KAZN: variants seen among roughly 807,000 people sequenced by gnomAD.
KAZN encodes kazrin, periplakin interacting protein, also known as kazrin.
In KAZN, 40 loss-of-function variants were observed where a neutral mutation model predicts 87.4. The ratio of observed to expected loss-of-function variants is 0.46; its 90% CI spans 0.36 to 0.60. The LOEUF (loss-of-function observed/expected upper bound fraction) is 0.60. KAZN is among the 20% of genes least tolerant of loss of function. The pLI is 0.00. For synonymous variants in KAZN, 466 were observed against 458.3 expected (o/e 1.02, Z -0.22); for missense variants, 898 against 1,073.9 (o/e 0.84, Z 2.29).
rs72870366 is a variant in KAZN at position 14,873,830 on chromosome 1, G to A, written c.227-86854G>A. Among the ~76,000 whole-genome samples, 511 of 152,336 alleles carry A rather than the reference G, an allele frequency of 3.4e-3. 3 individuals carry two copies. Among genetic ancestry groups the A allele is most frequent in the African/African-American group, 0.012 (484 of 41,578 alleles). On this transcript the variant is annotated intron_variant, in intron 1 of 14. Coordinates refer to ENST00000376030, the MANE Select transcript of KAZN (RefSeq NM_201628.3). ...GAGCAGTGCAAAGTGGGGCAAAGTG[G>A]CGAGATTCAGTATCTAGTTCAAAGG...
At chr1:14,044,572 A>G (rs1043497428) in intron 1 of KAZN, among the ~76,000 whole-genome samples, 2 of 152,212 alleles carry the variant, frequency 1.3e-5, no homozygotes, top group African/African-American at 2.4e-5. Flanking sequence ...TAAGGACTCA[A>G]TGAATGAAGC....
intron 1 of KAZN, among the ~76,000 whole-genome samples, chr1:14,716,976 G>A (rs1463643068): frequency 1.3e-5 from 2 of 151,418 alleles, no homozygotes; most frequent in East Asian, 1.9e-4. Context: ...CAGCAGTCCC[G>A]CCCTCTGGAA....
intron 1 of KAZN, among the ~76,000 whole-genome samples, chr1:14,652,848 C>T (rs909134765): frequency 1.4e-4 from 21 of 151,802 alleles, no homozygotes; most frequent in African/African-American, 4.1e-4. Context: ...TTTGCTACCC[C>T]GCCCCCATGG....
intron 1 of KAZN, among the ~76,000 whole-genome samples, chr1:14,024,570 A>G (rs768343510): frequency 2.6e-5 from 4 of 152,242 alleles, no homozygotes; most frequent in Admixed American, 6.5e-5. Context: ...GGAAAGAAGC[A>G]GGAACAGGGA....
At chr1:15,103,509 C>CCATGCTAATCA (rs1641164291) in intron 12 of KAZN, 49 bp downstream of exon 12, 1 of 1,196,746 alleles carries the variant, frequency 8.4e-7, no homozygotes, top group African/African-American at 1.7e-5. Context: ...TACACAAACC[C>CCATGCTAATCA]CATGCAAATC....
At chr1:14,681,659 T>A (rs12028340) in intron 1 of KAZN, among the ~76,000 whole-genome samples, 177 of 5,948 alleles carry the variant, frequency 0.03, no homozygotes, top group Middle Eastern at 0.12. Flanking sequence ...ATATATATAT[T>A]TTTTTTTTTT....
chr1:14,619,497 G>C (rs576077979), intron 1 of KAZN, among the ~76,000 whole-genome samples: 1 of 152,160 alleles, frequency 6.6e-6, no homozygotes, highest in African/African-American at 2.4e-5. Context: ...ACTGTGCCAG[G>C]CATTGAATCA....
intron 2 of KAZN, among the ~76,000 whole-genome samples, chr1:14,432,974 G>A (rs988231010): frequency 6.6e-6 from 1 of 151,926 alleles, no homozygotes; most frequent in Non-Finnish European, 1.5e-5. Flanking sequence ...GTGTGTGTAT[G>A]TATATGTATA....
chr1:14,731,684 G>A (rs1356072544), intron 1 of KAZN, among the ~76,000 whole-genome samples: 2 of 152,214 alleles, frequency 1.3e-5, no homozygotes, highest in Non-Finnish European at 2.9e-5. Context: ...ACAGCTAGTG[G>A]GTAGCAGAGC....
At chr1:14,965,513 T>C (rs1268764828) in intron 2 of KAZN, among the ~76,000 whole-genome samples, 1 of 152,246 alleles carries the variant, frequency 6.6e-6, no homozygotes, top group Non-Finnish European at 1.5e-5. Flanking sequence ...TTAAATCTCT[T>C]AACAGCATGT....
At chr1:15,038,760 C>T (rs1295502786) in intron 3 of KAZN, among the ~76,000 whole-genome samples, 2 of 152,110 alleles carry the variant, frequency 1.3e-5, no homozygotes, top group Admixed American at 6.6e-5. Context: ...GTTTATTGTG[C>T]ACCTGCTGTA....
At chr1:15,067,984 T>C (rs1027809011) in intron 8 of KAZN, 1 of 793,308 alleles carries the variant, frequency 1.3e-6, no homozygotes, top group African/African-American at 2.0e-5. Flanking sequence ...GAGATAATTC[T>C]AAGAGTTACT....
intron 2 of KAZN, among the ~76,000 whole-genome samples, chr1:14,330,070 TTC>T (rs1656736871): frequency 1.3e-5 from 2 of 152,300 alleles, no homozygotes; most frequent in South Asian, 4.1e-4. Flanking sequence ...GCTGTGTGGG[TTC>T]TCTCTGAATC....
chr1:14,711,461 C>T (rs12094483), intron 1 of KAZN, among the ~76,000 whole-genome samples: 1,754 of 152,224 alleles, frequency 0.012, 37 homozygotes, highest in South Asian at 0.047. Context: ...AGGCACGACA[C>T]GCAGGTTCTA....
chr1:14,972,851 C>G (rs1665222860), intron 2 of KAZN, among the ~76,000 whole-genome samples: 1 of 152,010 alleles, frequency 6.6e-6, no homozygotes, highest in Admixed American at 6.6e-5. Flanking sequence ...TGCTCGTGGT[C>G]AGTCAGCAAA....
At chr1:14,395,770 T>C (rs1571513140) in intron 2 of KAZN, among the ~76,000 whole-genome samples, 1 of 152,080 alleles carries the variant, frequency 6.6e-6, no homozygotes, top group African/African-American at 2.4e-5. Flanking sequence ...AGAAGACGGA[T>C]ACTAGTGAAG....
At chr1:14,208,093 C>T (rs1252787872) in intron 2 of KAZN, among the ~76,000 whole-genome samples, 2 of 152,302 alleles carry the variant, frequency 1.3e-5, no homozygotes, top group East Asian at 1.9e-4. Context: ...AGTCTAATCA[C>T]GGACTAAGAG....
At chr1:14,882,272 C>G (rs550948489) in intron 1 of KAZN, among the ~76,000 whole-genome samples, 11 of 152,330 alleles carry the variant, frequency 7.2e-5, no homozygotes, top group Non-Finnish European at 1.5e-4. Context: ...TCCAAACAAA[C>G]TTTTTTCCCT....
intron 1 of KAZN, among the ~76,000 whole-genome samples, chr1:14,003,032 G>A (rs1187562799): frequency 2.6e-5 from 4 of 152,140 alleles, no homozygotes; most frequent in Non-Finnish European, 5.9e-5. Context: ...CCATAAAAAG[G>A]AATGAGATTA....
Sources: gnomAD v4.1 joint callset for allele counts (sites outside exome capture counted in the v4.1 genomes callset) on GRCh38, gnomAD v4.1.1 for gene constraint, MANE v1.5 for transcripts, NCBI Gene and HGNC (gene_info 2026-07-23, HGNC 2026-07-21) for gene names.